The following PXDNL variants were observed in gnomAD, a reference collection of about 807,000 sequenced individuals.
The protein encoded by PXDNL is probable oxidoreductase PXDNL.
In PXDNL, 145 loss-of-function variants were observed where a neutral mutation model predicts 150.8. The ratio of observed to expected loss-of-function variants is 0.96; its 90% CI spans 0.84 to 1.10. PXDNL has a LOEUF of 1.10. PXDNL is among the 50% of genes least tolerant of loss of function. The pLI, the probability that PXDNL is intolerant of heterozygous loss-of-function variation, is 0.00. For missense variants in PXDNL, 2,087 were observed against 1,873.9 expected (o/e 1.11, Z -2.10); for synonymous variants, 757 against 725.7 (o/e 1.04, Z -0.69).
chr8:51,443,305 T>C (rs753281798), intron 12 of PXDNL, among the ~76,000 whole-genome samples: 18 of 152,068 alleles, frequency 1.2e-4, no homozygotes, highest in Admixed American at 2.6e-4. Flanking sequence ...CAAAAACACA[T>C]GAGGGATATG....
At chr8:51,723,442 A>G (rs560373404) in intron 1 of PXDNL, among the ~76,000 whole-genome samples, 1 of 152,312 alleles carries the variant, frequency 6.6e-6, no homozygotes, top group East Asian at 1.9e-4. Context: ...TAAAAGAGAC[A>G]CTAGACAGGC....
At chr8:51,432,766 T>G (rs887888197) in intron 12 of PXDNL, among the ~76,000 whole-genome samples, 1 of 152,240 alleles carries the variant, frequency 6.6e-6, no homozygotes, top group Non-Finnish European at 1.5e-5. Context: ...TTTTGGATTG[T>G]GTTTGAGGAT....
intron 1 of PXDNL, among the ~76,000 whole-genome samples, chr8:51,712,727 T>C (rs1426656381): frequency 6.6e-6 from 1 of 152,196 alleles, no homozygotes; most frequent in Non-Finnish European, 1.5e-5. Flanking sequence ...TACAGACAAA[T>C]CTAGATTAAA....
intron 6 of PXDNL, among the ~76,000 whole-genome samples, chr8:51,477,165 G>T (rs1306352201): frequency 6.6e-6 from 1 of 152,116 alleles, no homozygotes; most frequent in African/African-American, 2.4e-5. Flanking sequence ...TGACAGTTTT[G>T]TAAAATGTTT....
intron 1 of PXDNL, among the ~76,000 whole-genome samples, chr8:51,660,649 GAA>G (rs1815252112): frequency 5.3e-5 from 8 of 152,134 alleles, no homozygotes; most frequent in Admixed American, 5.2e-4. Context: ...CATTCCTATT[GAA>G]GGTAAGGATG....
At chr8:51,597,572 A>T (rs1006141961) in intron 2 of PXDNL, among the ~76,000 whole-genome samples, 1 of 150,450 alleles carries the variant, frequency 6.6e-6, no homozygotes, top group Non-Finnish European at 1.5e-5. Flanking sequence ...GTCATCTGTG[A>T]TTTCTTTTAG....
intron 19 of PXDNL, among the ~76,000 whole-genome samples, chr8:51,355,647 C>T (rs922775021): frequency 9.9e-5 from 15 of 152,144 alleles, no homozygotes; most frequent in African/African-American, 3.6e-4. Flanking sequence ...GCTTTCTGCT[C>T]TATGCAAAGT....
At chr8:51,763,175 T>C (rs2037183244) in intron 1 of PXDNL, among the ~76,000 whole-genome samples, 1 of 152,190 alleles carries the variant, frequency 6.6e-6, no homozygotes, top group African/African-American at 2.4e-5. Flanking sequence ...GATATTTATA[T>C]AAATGATATC....
intron 1 of PXDNL, among the ~76,000 whole-genome samples, chr8:51,687,188 A>T (rs1023065837): frequency 6.6e-6 from 1 of 152,204 alleles, no homozygotes; most frequent in Non-Finnish European, 1.5e-5. Flanking sequence ...TAGGTTAAAT[A>T]GTCAGCGGTA....
chr8:51,739,994 T>G (rs938475457), intron 1 of PXDNL, among the ~76,000 whole-genome samples: 14 of 152,038 alleles, frequency 9.2e-5, no homozygotes, highest in Non-Finnish European at 1.6e-4. Flanking sequence ...TTAGAACATG[T>G]GTATAGGATC....
chr8:51,642,540 C>A (rs897181093), intron 2 of PXDNL, among the ~76,000 whole-genome samples: 2 of 152,026 alleles, frequency 1.3e-5, no homozygotes, highest in Non-Finnish European at 1.5e-5. Flanking sequence ...TTGGACATAT[C>A]TCAAAATAAT....
intron 2 of PXDNL, among the ~76,000 whole-genome samples, chr8:51,631,028 C>T (rs1814479298): frequency 6.6e-6 from 1 of 152,100 alleles, no homozygotes; most frequent in African/African-American, 2.4e-5. Flanking sequence ...ACAGAATCAA[C>T]TTAAAAGGCC....
chr8:51,499,950 G>C (rs1811147886), intron 4 of PXDNL, among the ~76,000 whole-genome samples, 180 bp from the exon 5 acceptor site: 1 of 152,104 alleles, frequency 6.6e-6, no homozygotes, highest in Admixed American at 6.5e-5. Flanking sequence ...ACAGTCCCGG[G>C]TCTAAAAACC....
At chr8:51,680,234 T>C (rs1815712671) in intron 1 of PXDNL, among the ~76,000 whole-genome samples, 1 of 152,186 alleles carries the variant, frequency 6.6e-6, no homozygotes, top group Non-Finnish European at 1.5e-5. Flanking sequence ...GGTGTCTGTG[T>C]GGTGCCTGGA....
At chr8:51,427,427 A>G (rs1257959657) in intron 12 of PXDNL, among the ~76,000 whole-genome samples, 1 of 152,138 alleles carries the variant, frequency 6.6e-6, no homozygotes, top group African/African-American at 2.4e-5. Context: ...AAACCAGAAG[A>G]TAACTACAAA....
intron 1 of PXDNL, among the ~76,000 whole-genome samples, chr8:51,676,552 C>T (rs1440035240): frequency 6.6e-6 from 1 of 152,164 alleles, no homozygotes; most frequent in Non-Finnish European, 1.5e-5. Context: ...ACTGGGATTA[C>T]AGGCGTGAGC....
chr8:51,649,844 G>A (rs1265586276), intron 2 of PXDNL, among the ~76,000 whole-genome samples: 1 of 152,108 alleles, frequency 6.6e-6, no homozygotes, highest in Non-Finnish European at 1.5e-5. Flanking sequence ...GCTCATGCCT[G>A]TAATCTCAGC....
chr8:51,770,805 G>A (rs765233583), intron 1 of PXDNL, among the ~76,000 whole-genome samples: 5 of 152,200 alleles, frequency 3.3e-5, no homozygotes, highest in East Asian at 3.9e-4. Context: ...GCAGTGAGCC[G>A]TGTGGTGCCC....
At chr8:51,661,696 G>A (rs567344546) in intron 1 of PXDNL, among the ~76,000 whole-genome samples, 2 of 152,244 alleles carry the variant, frequency 1.3e-5, no homozygotes, top group East Asian at 1.9e-4. Flanking sequence ...CACGCACATC[G>A]CCTGCTCCCT....
Sources: gnomAD v4.1 joint callset for allele counts (sites outside exome capture counted in the v4.1 genomes callset) on GRCh38, gnomAD v4.1.1 for gene constraint, MANE v1.5 for transcripts, NCBI Gene and HGNC (gene_info 2026-07-23, HGNC 2026-07-21) for gene names.